HUWE1: variants seen among roughly 807,000 people sequenced by gnomAD.
HUWE1 encodes the protein E3 ubiquitin-protein ligase HUWE1.
Under a neutral mutation model 299.4 loss-of-function variants are expected in HUWE1, and 18 were observed. The ratio of observed to expected loss-of-function variants is 0.06; its 90% confidence interval spans 0.04 to 0.09. HUWE1 has a LOEUF of 0.09. Among genes scored for constraint, HUWE1 ranks in the 10% least tolerant of loss-of-function variants. The probability of loss-of-function intolerance (pLI) is 1.00; values close to 1 mark genes in which losing one functional copy is unlikely to be tolerated. For missense variants in HUWE1, 1,832 were observed against 3,462.3 expected (o/e 0.53, Z 11.82); for synonymous variants, 1,317 against 1,286.1 (o/e 1.02, Z -0.51).
At position 53,568,794 on chromosome X, in the gene HUWE1, G is replaced by A; in HGVS notation, c.6605C>T (p.Ala2202Val). The A allele has an allele frequency of 1.7e-6, 2 of 1,208,998 alleles. No homozygotes were observed. The highest frequency in any genetic ancestry group is 2.2e-6 in the Non-Finnish European group (2 of 893,577). Residue 2202 changes from alanine (A) to valine (V), a missense_variant, in exon 49 of 84, where the codon GCG becomes GTG. By Grantham distance (64) the Ala-to-Val change is moderately conservative (BLOSUM62 0). Coordinates refer to ENST00000262854, the MANE Select transcript of HUWE1 (RefSeq NM_031407.7). Reference sequence around the variant, plus strand: ...GTTCATGCCATTGTGCTGGGTCTTCGCTGTGGCACTGCTGTAGAAGCTGGA... The same window carrying A: ...GTTCATGCCATTGTGCTGGGTCTTCACTGTGGCACTGCTGTAGAAGCTGGA... ...STSSFYSSATAKTQHNGMNNI... is the reference protein window; with the variant it reads ...STSSFYSSATVKTQHNGMNNI...
rs151240115 is a variant in HUWE1 at position 53,553,289 on chromosome X, C to T, written c.8495-396G>A. On this transcript the variant is annotated intron_variant, in intron 61 of 83. Transcript: ENST00000262854. ...TCCTGAGGAGCTGGGATTACAGGCA[C>T]CTGCTACCACGCCCGGCCAGTTTTT... is the stretch of plus-strand genomic sequence containing the variant. Among the ~76,000 whole-genome samples, 538 of 109,058 alleles carry T rather than the reference C, an allele frequency of 4.9e-3. 2 individuals are homozygous for T. Among genetic ancestry groups the T allele is most frequent in the African/African-American group, 0.016 (485 of 30,048 alleles). The allele number at this position is 109,058 out of a possible 115,157, so 94.7% of individuals were successfully genotyped here.
intron 32 of HUWE1, among the ~76,000 whole-genome samples, chrX:53,593,104 A>G (rs782265766): frequency 8.9e-6 from 1 of 112,352 alleles, no homozygotes; most frequent in African/African-American, 3.2e-5. Context: ...TCTTTTCTTT[A>G]TAAATTACCC....
At position 53,542,845 on chromosome X, in the gene HUWE1, TTGTGTGTGTGTGTGTGTG is replaced by T. The variant is rs57187405; in HGVS notation, c.11380-324_11380-307del. ...TATATAGACTTCAAGTCTTCTTCTG[TTGTGTGTGTGTGTGTGTG>T]TGTGTGTGTGTGTGTGTGTGTGTGT... is the stretch of plus-strand genomic sequence containing the variant. On this transcript the variant is annotated intron_variant, in intron 73 of 83. Transcript: ENST00000262854. 8.4e-3 allele frequency: 1,382 copies of T among 163,969 alleles called. 2 individuals carry two copies. Among genetic ancestry groups the T allele is most frequent in the African/African-American group, 0.017 (454 of 26,415 alleles). 13.5% of individuals were successfully genotyped at this position (163,969 alleles called of 1,213,427 possible).
intron 3 of HUWE1, among the ~76,000 whole-genome samples, chrX:53,662,952 T>G (rs782491551): frequency 9.1e-6 from 1 of 109,819 alleles, no homozygotes; most frequent in Non-Finnish European, 1.9e-5. Context: ...AATAAAAGTG[T>G]AAAGGTAAGG....
intron 6 of HUWE1, 136 bp from the exon 7 acceptor site, chrX:53,645,599 T>G: frequency 1.6e-6 from 1 of 640,164 alleles, no homozygotes; most frequent in Non-Finnish European, 2.4e-6. Context: ...TATAAGTATT[T>G]GTACTCGGGA....
chrX:53,624,066 C>G (rs1217415879), intron 19 of HUWE1, among the ~76,000 whole-genome samples: 2 of 112,425 alleles, frequency 1.8e-5, no homozygotes, highest in Non-Finnish European at 3.8e-5. Context: ...GAATTCTGAC[C>G]TTTATTTCAT....
Position 53,544,659 on chromosome X carries a change from A to G in HUWE1, c.11152T>C (p.Ser3718Pro), listed in dbSNP as rs2061478763. 1 of 1,204,507 alleles carries G rather than the reference A, an allele frequency of 8.3e-7. No individual in the cohort carries two copies. ...PSMSMLTSKT[S>P]TQKFFLRVLQ... ...ACCCTCAAGAAGAACTTCTGGGTAG[A>G]TGTCTTGGATGTCAACATGGACATA... The change falls in exon 72 of 84, where the codon TCT becomes CCT. Residue 3718 changes from serine to proline, a missense_variant. By Grantham distance (74) the Ser-to-Pro change is moderately conservative. Around this residue, in one of 15 missense-constraint regions of HUWE1, gnomAD observed 41 missense variants for 124.0 expected, o/e 0.33. Transcript: ENST00000262854.
intron 68 of HUWE1, among the ~76,000 whole-genome samples, 175 bp downstream of exon 68, chrX:53,547,498 G>C (rs1556923969): frequency 4.5e-5 from 5 of 111,819 alleles, no homozygotes. Flanking sequence ...GATGGAGGAA[G>C]GGAGACAGAG....
At chrX:53,648,995 TA>T (rs1249119843) in intron 4 of HUWE1, among the ~76,000 whole-genome samples, 8 of 111,914 alleles carry the variant, frequency 7.1e-5, no homozygotes, top group African/African-American at 2.3e-4. Flanking sequence ...GGGAAAGGGA[TA>T]GGGGCTGGGA....
chrX:53,550,594 C>T lies in HUWE1; in HGVS notation c.9488+72G>A, dbSNP rs951492441. On this transcript the variant is annotated intron_variant, in intron 66 of 83. Transcript: ENST00000262854. The stretch of plus-strand genomic sequence containing the variant: ...GCCTGTCAGGATTTCAGCTTCTCCA[C>T]CTATAAAACTAAGGGAGCTGGGCTA... 13 of 954,592 alleles carry T rather than the reference C, an allele frequency of 1.4e-5. No individual in the cohort carries two copies. In the African/African-American group the frequency reaches 2.1e-4, roughly 16 times the overall value. The allele number at this position is 954,592 out of a possible 1,213,427, so 78.7% of individuals were successfully genotyped here.
intron 42 of HUWE1, among the ~76,000 whole-genome samples, chrX:53,582,159 GTTAAAACT>G (rs1569468927): frequency 2.7e-5 from 3 of 112,498 alleles, no homozygotes; most frequent in Non-Finnish European, 1.9e-5. Context: ...TTTACCTAAA[GTTAAAACT>G]TTAAAAGTTT....
At chrX:53,582,324 T>C (rs781784761) in intron 42 of HUWE1, among the ~76,000 whole-genome samples, 7 of 112,487 alleles carry the variant, frequency 6.2e-5, no homozygotes, top group African/African-American at 2.3e-4. Flanking sequence ...TGCTGGGTTA[T>C]CTCCTGGACT....
At chrX:53,601,372 T>G (rs1242063222) in intron 28 of HUWE1, among the ~76,000 whole-genome samples, 1 of 109,371 alleles carries the variant, frequency 9.1e-6, no homozygotes, top group Non-Finnish European at 1.9e-5. Flanking sequence ...TTTGTAGAGA[T>G]AGAGTTTCGT....
rs1556984093 is a variant in HUWE1, at chrX:53,595,396, G to A, written c.3171C>T (p.Ser1057=). 1 of 1,200,995 alleles carries A rather than the reference G, an allele frequency of 8.3e-7. No individual in the cohort carries two copies. Among genetic ancestry groups the A allele is most frequent in the Non-Finnish European group, 1.1e-6 (1 of 888,373 alleles). ...GCTCAGCAAGTGCTCGGCCTAATCTGGAGGAAGCTGAAACCCAGAAATCAG... is the reference window on the plus strand; with the variant it reads ...GCTCAGCAAGTGCTCGGCCTAATCTAGAGGAAGCTGAAACCCAGAAATCAG... The part of the protein sequence containing the change: ...KQIKPLLSAS[S]RLGRALAELF... Residue 1057 remains serine, a synonymous_variant, in exon 30 of 84, where the codon TCC becomes TCT. Transcript: ENST00000262854.
intron 3 of HUWE1, among the ~76,000 whole-genome samples, chrX:53,663,389 T>C (rs2069103366): frequency 9.0e-6 from 1 of 111,591 alleles, no homozygotes; most frequent in Non-Finnish European, 1.9e-5. Context: ...GGCGCATGTC[T>C]GTAATCCCAG....
intron 60 of HUWE1, 69 bp downstream of exon 60, chrX:53,557,313 A>C: frequency 1.0e-6 from 1 of 955,151 alleles, no homozygotes; most frequent in Non-Finnish European, 1.5e-6. Flanking sequence ...TGGGCCAGCT[A>C]CTCGGAACTA....
chrX:53,657,636 G>C (rs782610631), intron 3 of HUWE1, among the ~76,000 whole-genome samples: 8 of 112,460 alleles, frequency 7.1e-5, no homozygotes, highest in Non-Finnish European at 1.5e-4. Flanking sequence ...GGAAGATACA[G>C]AACTGTCTTT....
At chrX:53,614,852 C>T in intron 22 of HUWE1, 107 bp from the exon 23 acceptor site, 1 of 533,719 alleles carries the variant, frequency 1.9e-6, no homozygotes, top group Non-Finnish European at 3.3e-6. Context: ...TTTGCCCAAA[C>T]ACTTTGTATA....
At chrX:53,559,275 G>C in intron 57 of HUWE1, 79 bp downstream of exon 57, 1 of 1,073,848 alleles carries the variant, frequency 9.3e-7, no homozygotes, top group Non-Finnish European at 1.3e-6. Context: ...CTATAGGGCA[G>C]ACACTGTCTT....
Sources: gnomAD v4.1 joint callset for allele counts (sites outside exome capture counted in the v4.1 genomes callset) on GRCh38, gnomAD v4.1.1 for gene constraint, gnomAD v4.1.1 regional missense constraint, MANE v1.5 for transcripts, NCBI Gene and HGNC (gene_info 2026-07-23, HGNC 2026-07-21) for gene names.